The following SHLD2 variants were observed in gnomAD, a reference collection of about 807,000 sequenced individuals.
SHLD2 encodes the protein RINN1-REV7-interacting novel NHEJ regulator 2.
SHLD2 carries 30 observed loss-of-function variants against 73.2 expected under a neutral mutation model. The observed-to-expected ratio is 0.41, with a 90% confidence interval of 0.31 to 0.56. SHLD2 has a LOEUF of 0.56. Ranked by LOEUF, SHLD2 falls within the 20% of genes least tolerant of loss-of-function variation. The pLI is 0.28. For synonymous variants in SHLD2, 285 were observed against 370.1 expected (o/e 0.77, Z 2.64); for missense variants, 745 against 1,055.9 (o/e 0.71, Z 4.08).
At chr10:87,102,533 C>A (rs1842334922) in intron 2 of SHLD2, among the ~76,000 whole-genome samples, 1 of 151,914 alleles carries the variant, frequency 6.6e-6, no homozygotes, top group Non-Finnish European at 1.5e-5. Context: ...CATGGTGAAA[C>A]CCTGTCTCTA....
chr10:87,137,845 G>A (rs1844905285), intron 2 of SHLD2, among the ~76,000 whole-genome samples: 1 of 152,256 alleles, frequency 6.6e-6, no homozygotes, highest in South Asian at 2.1e-4. Context: ...AGAGCAACAG[G>A]AGAATAAAGG....
chr10:87,148,855 T>G (rs1845814900), intron 2 of SHLD2, among the ~76,000 whole-genome samples: 1 of 151,972 alleles, frequency 6.6e-6, no homozygotes, highest in Admixed American at 6.6e-5. Flanking sequence ...TGCATTTGAT[T>G]TGCATATATC....
At chr10:87,147,078 A>AAACAAACAAAC (rs1845673369) in intron 2 of SHLD2, among the ~76,000 whole-genome samples, 1 of 147,568 alleles carries the variant, frequency 6.8e-6, no homozygotes, top group Non-Finnish European at 1.5e-5. Flanking sequence ...AAAAGAAAAA[A>AAACAAACAAAC]AAAAAAAAAA....
intron 4 of SHLD2, among the ~76,000 whole-genome samples, chr10:87,168,379 T>C (rs1232326617): frequency 6.6e-6 from 1 of 152,160 alleles, no homozygotes; most frequent in African/African-American, 2.4e-5. Flanking sequence ...GGCAGATTGC[T>C]TGAGTCCAGG....
At chr10:87,125,258 ATTAATCTTTATTCCT>A (rs1189472415) in intron 2 of SHLD2, among the ~76,000 whole-genome samples, 8 of 152,212 alleles carry the variant, frequency 5.3e-5, no homozygotes, top group African/African-American at 1.4e-4. Context: ...TCTAGGACAA[ATTAATCTTTATTCCT>A]TTAATCTTTA....
intron 8 of SHLD2, among the ~76,000 whole-genome samples, chr10:87,185,913 G>C (rs1304317639): frequency 6.6e-6 from 1 of 151,954 alleles, no homozygotes; most frequent in African/African-American, 2.4e-5. Context: ...TCATTGTGTT[G>C]CCCAGGCTGG....
chr10:87,138,351 T>A (rs1264816281), intron 2 of SHLD2, among the ~76,000 whole-genome samples: 2 of 149,470 alleles, frequency 1.3e-5, no homozygotes, highest in Non-Finnish European at 3.0e-5. Context: ...TACAATGGGA[T>A]GACATCCATA....
intron 4 of SHLD2, among the ~76,000 whole-genome samples, chr10:87,159,853 A>G (rs1258748575): frequency 6.6e-6 from 1 of 152,210 alleles, no homozygotes; most frequent in Non-Finnish European, 1.5e-5. Context: ...GTTAAGTTTT[A>G]GATATCTTTG....
chr10:87,102,171 C>T (rs1426226854), intron 2 of SHLD2, among the ~76,000 whole-genome samples: 1 of 152,128 alleles, frequency 6.6e-6, no homozygotes, highest in East Asian at 1.9e-4. Flanking sequence ...TATTTCCAAA[C>T]TCTTGTGGTT....
intron 9 of SHLD2, among the ~76,000 whole-genome samples, chr10:87,188,141 C>G (rs10159568): frequency 0.023 from 3,529 of 152,274 alleles, 145 homozygotes; most frequent in African/African-American, 0.081. Context: ...GGTTGTTCCT[C>G]TTTGATTCTG....
intron 6 of SHLD2, among the ~76,000 whole-genome samples, chr10:87,174,988 G>T (rs975218272): frequency 1.3e-5 from 2 of 151,940 alleles, no homozygotes; most frequent in African/African-American, 4.8e-5. Context: ...GTGGTGGCGG[G>T]CGCCTGTAGT....
rs1846093495 is a variant in SHLD2 at position 87,152,601 on chromosome 10, A to G, written c.1247A>G (p.Asp416Gly). The G allele has an allele frequency of 1.1e-5, 17 of 1,607,084 alleles. No homozygotes were observed. Among genetic ancestry groups the G allele is most frequent in the Non-Finnish European group, 1.4e-5 (17 of 1,178,694 alleles). Residue 416 changes from aspartate to glycine, a missense_variant, in exon 3 of 10, where the codon GAT becomes GGT. Physicochemically the swap from Asp to Gly is moderately conservative, Grantham distance 94 (BLOSUM62 -1). This residue lies in a region of SHLD2 where 418 missense variants were observed against 567.8 expected (regional missense o/e 0.74). Transcript: ENST00000298786. ...GGAGGAGATTCTGCTGTAGAAATGG[A>G]TCGGAGAAATGTGTCTGAATTTAAG... The part of the protein sequence containing the change: ...SNGGDSAVEM[D>G]RRNVSEFKSI...
At chr10:87,171,360 A>G (rs1205319467) in intron 6 of SHLD2, among the ~76,000 whole-genome samples, 1 of 152,148 alleles carries the variant, frequency 6.6e-6, no homozygotes, top group Admixed American at 6.5e-5. Flanking sequence ...CAAGGGAGTT[A>G]CCTTAACTCT....
At chr10:87,186,023 C>T (rs1167574776) in intron 8 of SHLD2, among the ~76,000 whole-genome samples, 1 of 152,014 alleles carries the variant, frequency 6.6e-6, no homozygotes, top group African/African-American at 2.4e-5. Flanking sequence ...TCTTCCTATC[C>T]CTCTACAGTT....
rs1849055588 is a variant in SHLD2, at chr10:87,191,460, C to G, written c.*777C>G. 1.3e-5 allele frequency: 2 copies of G among 152,258 alleles called. No homozygotes were observed. Among genetic ancestry groups the G allele is most frequent in the South Asian group, 4.1e-4 (2 of 4,830 alleles). The allele number at this position is 152,258 out of a possible 1,614,324, so 9.4% of individuals were successfully genotyped here. A position where few individuals can be genotyped will look rare whatever the true frequency, so the allele number is the denominator to read the frequency against. On this transcript the variant is annotated 3_prime_UTR_variant, in exon 10 of 10. Transcript: ENST00000298786. The stretch of plus-strand genomic sequence containing the variant: ...TTGCCTGAAAATAAATTCATGATGA[C>G]ATGAACAAGCTTCTTTTACTCTGTG...
chr10:87,177,682 A>G (rs1406376269), intron 7 of SHLD2, among the ~76,000 whole-genome samples: 2 of 152,178 alleles, frequency 1.3e-5, no homozygotes, highest in Non-Finnish European at 2.9e-5. Flanking sequence ...AGAGATCAGC[A>G]TGGGAGCATT....
chr10:87,176,158 G>C (rs2134649200), intron 7 of SHLD2, 63 bp downstream of exon 7: 1 of 1,544,406 alleles, frequency 6.5e-7, no homozygotes, highest in East Asian at 2.4e-5. Flanking sequence ...GTCTTGCTCT[G>C]TTGCTCAGGC....
intron 2 of SHLD2, among the ~76,000 whole-genome samples, chr10:87,135,780 CAT>C (rs903050982): frequency 7.9e-5 from 12 of 151,614 alleles, no homozygotes; most frequent in African/African-American, 2.9e-4. Context: ...GGACTACAGA[CAT>C]GTGCCACTAT....
intron 4 of SHLD2, among the ~76,000 whole-genome samples, chr10:87,163,180 A>G (rs1288541813): frequency 1.3e-5 from 2 of 152,114 alleles, no homozygotes; most frequent in African/African-American, 4.8e-5. Context: ...GATTCCCAGG[A>G]CATACTGTTA....
Sources: allele counts gnomAD v4.1 joint callset (sites outside exome capture counted in the v4.1 genomes callset), GRCh38; gene constraint gnomAD v4.1.1; regional missense constraint gnomAD v4.1.1; transcripts MANE v1.5; gene names NCBI Gene and HGNC (gene_info 2026-07-23, HGNC 2026-07-21).